KIAA2012: variants seen among roughly 807,000 people sequenced by gnomAD.
KIAA2012 encodes KIAA2012.
In KIAA2012, 125 loss-of-function variants were observed where a neutral mutation model predicts 150.6. The ratio of observed to expected loss-of-function variants is 0.83; its 90% CI spans 0.72 to 0.96. The LOEUF is 0.96. Ranked by LOEUF, KIAA2012 falls within the 40% of genes least tolerant of loss-of-function variation. KIAA2012 has a pLI of 0.00. For missense variants in KIAA2012, 1,219 were observed against 1,354.9 expected (o/e 0.90, Z 1.57); for synonymous variants, 462 against 504.7 (o/e 0.92, Z 1.13).
chr2:202,117,296 A>G (rs1690551412), intron 11 of KIAA2012, among the ~76,000 whole-genome samples: 1 of 152,260 alleles, frequency 6.6e-6, no homozygotes, highest in Admixed American at 6.5e-5. Flanking sequence ...GTCTAAGAAT[A>G]TCCCAGCTGG....
At chr2:202,107,555 C>G (rs1690230171) in intron 9 of KIAA2012, among the ~76,000 whole-genome samples, 1 of 152,130 alleles carries the variant, frequency 6.6e-6, no homozygotes, top group African/African-American at 2.4e-5. Flanking sequence ...TTTTGCACTG[C>G]CCTACATTTG....
At chr2:202,091,772 C>T (rs569836797) in intron 3 of KIAA2012, among the ~76,000 whole-genome samples, 13 of 152,340 alleles carry the variant, frequency 8.5e-5, no homozygotes, top group South Asian at 2.1e-4. Flanking sequence ...CCAGTACCCA[C>T]TCGGCTGTTT....
intron 8 of KIAA2012, among the ~76,000 whole-genome samples, chr2:202,103,686 A>G (rs762418640): frequency 6.6e-6 from 1 of 152,206 alleles, no homozygotes; most frequent in Non-Finnish European, 1.5e-5. Flanking sequence ...GAATTAGGTT[A>G]TTTTGTAAGG....
chr2:202,174,048 C>T (rs914240062), intron 15 of KIAA2012, among the ~76,000 whole-genome samples: 1 of 152,156 alleles, frequency 6.6e-6, no homozygotes, highest in Non-Finnish European at 1.5e-5. Flanking sequence ...TCACTGCAAC[C>T]TCTGCCTCCC....
At chr2:202,192,264 A>G (rs6714212) in intron 19 of KIAA2012, among the ~76,000 whole-genome samples, 71,161 of 151,886 alleles carry the variant, frequency 0.47, 16,792 homozygotes, top group African/African-American at 0.48. Context: ...CAGAGTTCCT[A>G]GAAGGCTTGC....
intron 14 of KIAA2012, among the ~76,000 whole-genome samples, chr2:202,157,230 G>T (rs1174209233): frequency 6.6e-6 from 1 of 152,204 alleles, no homozygotes; most frequent in South Asian, 2.1e-4. Context: ...CCTTATGGAT[G>T]TGGTAGCTCC....
intron 15 of KIAA2012, among the ~76,000 whole-genome samples, chr2:202,170,010 A>G (rs1691852934): frequency 6.6e-6 from 1 of 152,172 alleles, no homozygotes; most frequent in South Asian, 2.1e-4. Flanking sequence ...CTGTAGATCC[A>G]GGACTGGGGC....
Position 202,138,526 on chromosome 2 carries a change from A to C in KIAA2012, c.1908+18A>C. ...AGAAGCAGGTATAGTATTGACTCTG[A>C]ATGAGGATGACACTAGGAGTCACAA... On this transcript the variant is annotated intron_variant, in intron 13 of 23. Coordinates refer to ENST00000498697, the MANE Select transcript of KIAA2012 (RefSeq NM_001277372.4). 4.6e-6 allele frequency: 7 copies of C among 1,533,328 alleles called. No homozygotes were observed. The highest frequency in any genetic ancestry group is 6.2e-6 in the Non-Finnish European group (7 of 1,131,990). The allele number at this position is 1,533,328 out of a possible 1,614,324, so 95.0% of individuals were successfully genotyped here.
In KIAA2012 at chr2:202,109,622, C is replaced by A. The variant is rs1383768633; in HGVS notation, c.1484C>A (p.Ala495Asp). The A allele has an allele frequency of 3.9e-6, 6 of 1,531,394 alleles. No homozygotes were observed. The East Asian group carries it at 9.8e-5, about 25-fold the overall frequency. 94.9% of individuals were successfully genotyped at this position (1,531,394 alleles called of 1,614,324 possible). The change falls in exon 10 of 24, where the codon GCC becomes GAC. Residue 495 changes from alanine (A) to aspartate (D), a missense_variant. By Grantham distance (126) the Ala-to-Asp change is moderately radical. Coordinates refer to ENST00000498697, the MANE Select transcript of KIAA2012 (RefSeq NM_001277372.4). ...CCTTTTGTTTTTAAAGATGATGATGCCCCACCTCACGATGTGGCCCCACCA... is the reference window on the plus strand; with the variant it reads ...CCTTTTGTTTTTAAAGATGATGATGACCCACCTCACGATGTGGCCCCACCA... ...RDTLSPQDDD[A>D]PPHDVAPPLD...
chr2:202,117,510 G>A (rs1269914257), intron 11 of KIAA2012, among the ~76,000 whole-genome samples: 2 of 152,164 alleles, frequency 1.3e-5, no homozygotes, highest in Non-Finnish European at 2.9e-5. Context: ...ATGTAAGGGA[G>A]GACAATTAAT....
At chr2:202,100,006 G>A (rs1690000824) in intron 6 of KIAA2012, among the ~76,000 whole-genome samples, 1 of 152,136 alleles carries the variant, frequency 6.6e-6, no homozygotes, top group Admixed American at 6.5e-5. Flanking sequence ...CATACTGTCT[G>A]GGCTCAAGTT....
At chr2:202,192,492 T>C (rs1322524531) in intron 19 of KIAA2012, among the ~76,000 whole-genome samples, 1 of 150,834 alleles carries the variant, frequency 6.6e-6, no homozygotes, top group Non-Finnish European at 1.5e-5. Flanking sequence ...AGCTTCACTC[T>C]TTTTGCCCAG....
At chr2:202,156,661 A>ATG (rs1691534094) in intron 14 of KIAA2012, among the ~76,000 whole-genome samples, 1 of 152,164 alleles carries the variant, frequency 6.6e-6, no homozygotes, top group Non-Finnish European at 1.5e-5. Flanking sequence ...CAAGGCGGGC[A>ATG]GATCACGAGG....
chr2:202,204,916 C>T (rs1692614670), intron 23 of KIAA2012, 82 bp from the exon 24 acceptor site: 1 of 152,154 alleles, frequency 6.6e-6, no homozygotes, highest in Non-Finnish European at 1.5e-5. Context: ...TAATTCAACC[C>T]ACAACAGAAC....
At chr2:202,130,794 G>A (rs1440975527) in intron 12 of KIAA2012, among the ~76,000 whole-genome samples, 3 of 152,120 alleles carry the variant, frequency 2.0e-5, no homozygotes, top group Non-Finnish European at 1.5e-5. Context: ...GCAGGCACCT[G>A]TAGTCCCAGC....
chr2:202,106,164 T>C, intron 9 of KIAA2012: 1 of 1,064,162 alleles, frequency 9.4e-7, no homozygotes, highest in Admixed American at 2.7e-5. Context: ...AGTGTCCAGC[T>C]CACCAGTTAC....
At position 202,168,935 on chromosome 2, in the gene KIAA2012, T is replaced by C. The variant is rs368829613; in HGVS notation, c.2119+3579T>C. Among the ~76,000 whole-genome samples, 9 of 152,314 alleles carry C rather than the reference T, an allele frequency of 5.9e-5. No homozygotes were observed. In the South Asian group the frequency reaches 1.5e-3, roughly 25 times the overall value. On this transcript the variant is annotated intron_variant, in intron 15 of 23. Transcript: ENST00000498697. ...CAAAAAAAGGAGGCCCAGAGCCCTATTGCCTTATTCAAGAGACAGATGTGT... is the reference window on the plus strand; with the variant it reads ...CAAAAAAAGGAGGCCCAGAGCCCTACTGCCTTATTCAAGAGACAGATGTGT...
intron 12 of KIAA2012, among the ~76,000 whole-genome samples, chr2:202,126,533 T>C (rs1690793113): frequency 6.6e-6 from 1 of 151,998 alleles, no homozygotes; most frequent in African/African-American, 2.4e-5. Context: ...AGAGTTTCCA[T>C]GCCATTTTTG....
intron 2 of KIAA2012, among the ~76,000 whole-genome samples, 186 bp from the exon 3 acceptor site, chr2:202,090,584 G>A (rs1689692929): frequency 1.3e-5 from 2 of 152,326 alleles, no homozygotes; most frequent in African/African-American, 4.8e-5. Flanking sequence ...ACCTGCAGGG[G>A]CCTTTCAGAG....
Sources: allele counts gnomAD v4.1 joint callset (sites outside exome capture counted in the v4.1 genomes callset), GRCh38; gene constraint gnomAD v4.1.1; transcripts MANE v1.5; gene names NCBI Gene and HGNC (gene_info 2026-07-23, HGNC 2026-07-21).